SERINC5: variants seen among roughly 807,000 people sequenced by gnomAD.
SERINC5 encodes the protein chromosome 5 open reading frame 12.
In SERINC5, 41 loss-of-function variants were observed where a neutral mutation model predicts 63.1. That is an observed-to-expected ratio of 0.65 (90% confidence interval 0.51 to 0.84). The LOEUF (loss-of-function observed/expected upper bound fraction) is 0.84, where lower values mean the gene tolerates loss of function less well. Ranked by LOEUF, SERINC5 falls within the 40% of genes least tolerant of loss-of-function variation. The pLI, the probability that SERINC5 is intolerant of heterozygous loss-of-function variation, is 0.00. For missense variants in SERINC5, 523 were observed against 573.0 expected, an observed-to-expected ratio of 0.91 and a Z score of 0.89; for synonymous variants, 222 against 215.2, an observed-to-expected ratio of 1.03 and a Z score of -0.28.
intron 11 of SERINC5, among the ~76,000 whole-genome samples, chr5:80,132,801 T>C (rs1035498258): frequency 3.3e-5 from 5 of 152,002 alleles, no homozygotes; most frequent in African/African-American, 9.7e-5. Context: ...TACACAGCAA[T>C]AGGGGACTGG....
chr5:80,184,314 G>C (rs924747393), intron 2 of SERINC5, among the ~76,000 whole-genome samples: 3 of 152,012 alleles, frequency 2.0e-5, no homozygotes, highest in Non-Finnish European at 4.4e-5. Flanking sequence ...ATGCACATTA[G>C]CACCTCTTTC....
intron 1 of SERINC5, among the ~76,000 whole-genome samples, chr5:80,227,802 T>C (rs372654846): frequency 1.3e-5 from 2 of 152,002 alleles, no homozygotes; most frequent in South Asian, 2.1e-4. Flanking sequence ...TGAGCCAAGA[T>C]AGTGCCACTG....
chr5:80,188,428 C>T lies in SERINC5; in HGVS notation c.196-10364G>A, dbSNP rs749625383. On this transcript the variant is annotated intron_variant, in intron 2 of 11. Coordinates refer to ENST00000507668, the MANE Select transcript of SERINC5 (RefSeq NM_001174072.3). ...CAAATAACCCAGTGTCCTTGCCCAT[C>T]AATGCCTCAATTCTAACTTGATTGC... 1.2e-3 allele frequency among the ~76,000 whole-genome samples: 184 copies of T among 152,198 alleles called. 5 individuals carry two copies. Among genetic ancestry groups the T allele is most frequent in the Admixed American group, 4.6e-4 (7 of 15,294 alleles).
chr5:80,140,665 A>C lies in SERINC5; in HGVS notation c.*2998T>G. On this transcript the variant is annotated 3_prime_UTR_variant, in exon 12 of 12. Transcript: ENST00000507668. Reference sequence around the variant, plus strand: ...TTGGGTTTCTGAAGGCTTATAATGGAAATAGTCTCTAGTCTCCAGTCAGGT... The same window carrying C: ...TTGGGTTTCTGAAGGCTTATAATGGCAATAGTCTCTAGTCTCCAGTCAGGT... The C allele has an allele frequency of 1.0e-6, 1 of 985,312 alleles. No individual in the cohort carries two copies. Among genetic ancestry groups the C allele is most frequent in the Non-Finnish European group, 1.2e-6 (1 of 829,880 alleles). The allele number at this position is 985,312 out of a possible 1,614,324, so 61.0% of individuals were successfully genotyped here.
chr5:80,171,418 C>CCATA (rs1429356224), intron 5 of SERINC5, among the ~76,000 whole-genome samples: 1 of 152,160 alleles, frequency 6.6e-6, no homozygotes, highest in Non-Finnish European at 1.5e-5. Context: ...TTACTAAGAG[C>CCATA]CATACTGGCT....
intron 1 of SERINC5, among the ~76,000 whole-genome samples, chr5:80,208,954 T>C (rs541951914): frequency 6.6e-6 from 1 of 152,324 alleles, no homozygotes; most frequent in African/African-American, 2.4e-5. Flanking sequence ...TGACTGTATT[T>C]GCAGATAGGG....
downstream of SERINC5, among the ~76,000 whole-genome samples, chr5:80,134,860 TAAA>T (rs1217998040): frequency 6.6e-6 from 1 of 152,222 alleles, no homozygotes; most frequent in Non-Finnish European, 1.5e-5. Flanking sequence ...GAGCGTATCT[TAAA>T]AAGATTGGTG....
intron 2 of SERINC5, among the ~76,000 whole-genome samples, chr5:80,187,009 T>C (rs901510126): frequency 4.6e-5 from 7 of 151,712 alleles, no homozygotes; most frequent in African/African-American, 1.7e-4. Flanking sequence ...TACCTAAAAA[T>C]ACAAAAATTA....
In SERINC5 at chr5:80,142,168, C is replaced by G; in HGVS notation, c.*1495G>C. 1 of 985,408 alleles carries G rather than the reference C, an allele frequency of 1.0e-6. No homozygotes were observed. Among genetic ancestry groups the G allele is most frequent in the Non-Finnish European group, 1.2e-6 (1 of 829,928 alleles). 61.0% of individuals were successfully genotyped at this position (985,408 alleles called of 1,614,324 possible). A position where few individuals can be genotyped will look rare whatever the true frequency, so the allele number is the denominator to read the frequency against. On this transcript the variant is annotated 3_prime_UTR_variant, in exon 12 of 12. Coordinates refer to ENST00000507668, the MANE Select transcript of SERINC5 (RefSeq NM_001174072.3). ...CCGAATGAAATTCTAACAGGAGTTT[C>G]CACCAAGTAAACCTTTTCCCTGCCT...
intron 2 of SERINC5, among the ~76,000 whole-genome samples, chr5:80,192,800 T>C (rs1357498028): frequency 6.6e-6 from 1 of 152,224 alleles, no homozygotes; most frequent in African/African-American, 2.4e-5. Context: ...CATTCCATTT[T>C]ATAAACCTCC....
chr5:80,242,479 C>A (rs1466456119), intron 1 of SERINC5, among the ~76,000 whole-genome samples: 1 of 135,380 alleles, frequency 7.4e-6, no homozygotes, highest in East Asian at 2.2e-4. Context: ...TTAGGCCAGG[C>A]GCAGTGGCTC....
rs1745382694 is a variant in SERINC5 at position 80,139,610 on chromosome 5, G to GAGAA, written c.*4052_*4053insTTCT. On this transcript the variant is annotated 3_prime_UTR_variant, in exon 12 of 12. Coordinates refer to ENST00000507668, the MANE Select transcript of SERINC5 (RefSeq NM_001174072.3). ...AGAAAGAAGAAAAGAGAGAGAGAGA[G>GAGAA]AAAGGTCTAAACATCTGTGTGAACA... 3.4e-5 allele frequency: 33 copies of GAGAA among 984,894 alleles called. No homozygotes were observed. Among genetic ancestry groups the GAGAA allele is most frequent in the Non-Finnish European group, 4.0e-5 (33 of 829,672 alleles). 61.0% of individuals were successfully genotyped at this position (984,894 alleles called of 1,614,324 possible). A position where few individuals can be genotyped will look rare whatever the true frequency, so the allele number is the denominator to read the frequency against.
intron 1 of SERINC5, among the ~76,000 whole-genome samples, chr5:80,243,303 A>G (rs1036062192): frequency 1.3e-5 from 2 of 152,174 alleles, no homozygotes; most frequent in Non-Finnish European, 2.9e-5. Flanking sequence ...TCACCACTTT[A>G]CAGATAAAAA....
downstream of SERINC5, among the ~76,000 whole-genome samples, chr5:80,134,964 C>T (rs1039147053): frequency 6.6e-6 from 1 of 152,250 alleles, no homozygotes; most frequent in Non-Finnish European, 1.5e-5. Flanking sequence ...ACAAGCACCA[C>T]TAGCTTGGAC....
At position 80,187,658 on chromosome 5, in the gene SERINC5, T is replaced by C. The variant is rs1748898071; in HGVS notation, c.196-9594A>G. Among the ~76,000 whole-genome samples, 4 of 152,324 alleles carry C rather than the reference T, an allele frequency of 2.6e-5. No homozygotes were observed. In the South Asian group the frequency reaches 8.3e-4, roughly 32 times the overall value. On this transcript the variant is annotated intron_variant, in intron 2 of 11. Transcript: ENST00000507668. ...CAACCAGTACTGGCTTCTCTTTTCT[T>C]TGGGTTATCTGAGCATTTTTAATAG...
In SERINC5 at chr5:80,242,432, ACATG is replaced by A. The variant is rs535116392; in HGVS notation, c.27+13460_27+13463del. ...CAGGAGTTCGAGACCAGCCTGGTCAACATGGCGAAATCCCATTTTTACTAAAAAT... is the reference window on the plus strand; with the variant it reads ...CAGGAGTTCGAGACCAGCCTGGTCAAGCGAAATCCCATTTTTACTAAAAAT... On this transcript the variant is annotated intron_variant, in intron 1 of 11. Coordinates refer to ENST00000507668, the MANE Select transcript of SERINC5 (RefSeq NM_001174072.3). 3.9e-5 allele frequency among the ~76,000 whole-genome samples: 6 copies of A among 152,350 alleles called. No individual in the cohort carries two copies. The South Asian group carries it at 1.2e-3, about 32-fold the overall frequency.
intron 1 of SERINC5, among the ~76,000 whole-genome samples, chr5:80,240,773 G>A (rs1293637412): frequency 1.3e-5 from 2 of 152,112 alleles, no homozygotes; most frequent in Non-Finnish European, 2.9e-5. Flanking sequence ...TGGCTCAAGT[G>A]ATCCTCCCAC....
intron 5 of SERINC5, 50 bp from the exon 6 acceptor site, chr5:80,169,596 C>T (rs116543318): frequency 4.3e-5 from 62 of 1,454,282 alleles, no homozygotes; most frequent in Non-Finnish European, 5.4e-5. Context: ...GACAAGTCAA[C>T]GAAGCCCACC....
intron 1 of SERINC5, among the ~76,000 whole-genome samples, chr5:80,234,752 G>A (rs541437329): frequency 1.2e-3 from 176 of 151,984 alleles, no homozygotes; most frequent in South Asian, 8.3e-3. Flanking sequence ...CAGAATTATT[G>A]CATATATATG....
Sources: gnomAD v4.1 joint callset for allele counts (sites outside exome capture counted in the v4.1 genomes callset) on GRCh38, gnomAD v4.1.1 for gene constraint, MANE v1.5 for transcripts, NCBI Gene and HGNC (gene_info 2026-07-23, HGNC 2026-07-21) for gene names.